Variants in TRHDE observed in about 807,000 individuals in gnomAD.
TRHDE encodes the protein thyrotropin-releasing hormone-degrading ectoenzyme.
In TRHDE, 72 loss-of-function variants were observed where a neutral mutation model predicts 125.7. The observed-to-expected ratio is 0.57, with a 90% CI of 0.47 to 0.70. The LOEUF (loss-of-function observed/expected upper bound fraction) is 0.70, where lower values mean the gene tolerates loss of function less well. TRHDE is among the 30% of genes least tolerant of loss of function. The probability of loss-of-function intolerance (pLI) is 0.00; values close to 1 mark genes in which losing one functional copy is unlikely to be tolerated. For synonymous variants in TRHDE, 509 were observed against 509.1 expected, an observed-to-expected ratio of 1.00 and a Z score of 0.00; for missense variants, 1,110 against 1,327.1, an observed-to-expected ratio of 0.84 and a Z score of 2.54.
intron 2 of TRHDE, among the ~76,000 whole-genome samples, chr12:72,166,736 T>C (rs1055959589): frequency 6.6e-6 from 1 of 152,176 alleles, no homozygotes; most frequent in Admixed American, 6.5e-5. Flanking sequence ...AGATGATTTC[T>C]CAAGACATGG....
At chr12:72,430,444 CG>C (rs1476206692) in intron 3 of TRHDE, among the ~76,000 whole-genome samples, 1 of 146,976 alleles carries the variant, frequency 6.8e-6, no homozygotes, top group Admixed American at 6.9e-5. Context: ...TATACACACA[CG>C]TATATATATG....
At chr12:72,293,532 G>C (rs1252442809) in intron 2 of TRHDE, among the ~76,000 whole-genome samples, 1 of 152,030 alleles carries the variant, frequency 6.6e-6, no homozygotes, top group Admixed American at 6.5e-5. Flanking sequence ...TCTCATCTTT[G>C]GTTCATATGC....
intron 15 of TRHDE, among the ~76,000 whole-genome samples, chr12:72,640,844 AAATT>A (rs1294770680): frequency 2.8e-4 from 42 of 152,302 alleles, no homozygotes; most frequent in African/African-American, 1.0e-3. Context: ...AATTAATTAT[AAATT>A]AATTGTTAGG....
chr12:72,293,928 G>A lies in TRHDE; in HGVS notation c.1188+6974G>A, dbSNP rs141148897. ...GTGAGTGAGCATGGGGTCCAGCCAC[G>A]GTGCACAATCAGATATGCCAGCTGC... is the stretch of plus-strand genomic sequence containing the variant. On this transcript the variant is annotated intron_variant, in intron 2 of 18. Coordinates refer to ENST00000261180, the MANE Select transcript of TRHDE (RefSeq NM_013381.3). Among the ~76,000 whole-genome samples, 179 of 152,306 alleles carry A rather than the reference G, an allele frequency of 1.2e-3. 1 individual carries two copies. The highest frequency in any genetic ancestry group is 3.9e-3 in the African/African-American group (161 of 41,556).
intron 1 of TRHDE, among the ~76,000 whole-genome samples, chr12:72,284,483 G>A (rs1336843687): frequency 6.6e-6 from 1 of 152,136 alleles, no homozygotes; most frequent in Non-Finnish European, 1.5e-5. Context: ...TTGTAAATGG[G>A]TGCATTTTAA....
intron 2 of TRHDE, among the ~76,000 whole-genome samples, chr12:72,245,762 T>C (rs1878564114): frequency 6.6e-6 from 1 of 151,922 alleles, no homozygotes; most frequent in Admixed American, 6.6e-5. Flanking sequence ...AACATATATA[T>C]ATACACACAC....
chr12:72,573,950 A>G (rs1870866221), intron 10 of TRHDE, among the ~76,000 whole-genome samples: 1 of 152,048 alleles, frequency 6.6e-6, no homozygotes, highest in African/African-American at 2.4e-5. Flanking sequence ...GAAATGATAA[A>G]GATTAAATTT....
chr12:72,135,553 T>G (rs1346190976), intron 2 of TRHDE, among the ~76,000 whole-genome samples: 1 of 152,014 alleles, frequency 6.6e-6, no homozygotes, highest in Non-Finnish European at 1.5e-5. Flanking sequence ...AAACATGTTT[T>G]TTTTTTTTTT....
chr12:72,253,429 T>C (rs1592501077), intron 2 of TRHDE: 1 of 152,300 alleles, frequency 6.6e-6, no homozygotes, highest in Admixed American at 6.5e-5. Context: ...ATAGGAGTGG[T>C]GAGAACTGAA....
intron 10 of TRHDE, among the ~76,000 whole-genome samples, chr12:72,570,755 G>A (rs1907087): frequency 0.27 from 40,507 of 152,008 alleles, 8,135 homozygotes; most frequent in African/African-American, 0.54. Flanking sequence ...CTTGATATGT[G>A]TGGTCCTAAT....
At chr12:72,287,246 A>G (rs1228165198) in intron 2 of TRHDE, among the ~76,000 whole-genome samples, 1 of 152,046 alleles carries the variant, frequency 6.6e-6, no homozygotes, top group Non-Finnish European at 1.5e-5. Flanking sequence ...TGGAACAGCT[A>G]CTGTTGTCTC....
chr12:72,327,641 T>C (rs1486953006), intron 2 of TRHDE, among the ~76,000 whole-genome samples: 1 of 152,146 alleles, frequency 6.6e-6, no homozygotes, highest in African/African-American at 2.4e-5. Context: ...TTTAGGAGAT[T>C]TTTTTAGGAA....
At chr12:72,582,342 T>A (rs1871274068) in intron 12 of TRHDE, 1 of 985,216 alleles carries the variant, frequency 1.0e-6, no homozygotes, top group Non-Finnish European at 1.2e-6. Context: ...CAGATTTTTT[T>A]TTTCATTTCT....
At chr12:72,403,239 A>C (rs948409949) in intron 3 of TRHDE, among the ~76,000 whole-genome samples, 7 of 152,226 alleles carry the variant, frequency 4.6e-5, no homozygotes, top group African/African-American at 1.7e-4. Flanking sequence ...TGAGAGCACA[A>C]AGGAGGGTCT....
intron 5 of TRHDE, among the ~76,000 whole-genome samples, chr12:72,497,837 T>G (rs1877985082): frequency 6.6e-6 from 1 of 152,200 alleles, no homozygotes; most frequent in African/African-American, 2.4e-5. Context: ...AAATGAACAA[T>G]GTGAGTATTA....
chr12:72,378,555 TGATGACTCCCC>T (rs1486271950), intron 3 of TRHDE, among the ~76,000 whole-genome samples: 1 of 152,180 alleles, frequency 6.6e-6, no homozygotes, highest in Non-Finnish European at 1.5e-5. Flanking sequence ...AACTAGGTCT[TGATGACTCCCC>T]GAACAACTCA....
chr12:72,452,550 G>A (rs1465202172), intron 3 of TRHDE, among the ~76,000 whole-genome samples: 1 of 152,222 alleles, frequency 6.6e-6, no homozygotes, highest in African/African-American at 2.4e-5. Context: ...AATTATTGCT[G>A]TTGAGTATAA....
At chr12:72,263,572 G>C (rs945296660) in intron 2 of TRHDE, 3 of 152,062 alleles carry the variant, frequency 2.0e-5, no homozygotes, top group African/African-American at 7.2e-5. Flanking sequence ...ATATATGTCA[G>C]AATGTCATGG....
chr12:72,117,149 G>A (rs896390281), intron 2 of TRHDE, among the ~76,000 whole-genome samples: 1 of 151,858 alleles, frequency 6.6e-6, no homozygotes, highest in Non-Finnish European at 1.5e-5. Flanking sequence ...AGAAGTCTTT[G>A]CCCAGTCCAA....
Sources: allele counts gnomAD v4.1 joint callset (sites outside exome capture counted in the v4.1 genomes callset), GRCh38; gene constraint gnomAD v4.1.1; transcripts MANE v1.5; gene names NCBI Gene and HGNC (gene_info 2026-07-23, HGNC 2026-07-21).